NRG2: variants seen among roughly 807,000 people sequenced by gnomAD.
The protein encoded by NRG2 is neuregulin 2, also known as pro-neuregulin-2, membrane-bound isoform.
In NRG2, 27 loss-of-function variants were observed where a neutral mutation model predicts 73.9. The observed-to-expected ratio is 0.37, with a 90% confidence interval of 0.27 to 0.50. The LOEUF (loss-of-function observed/expected upper bound fraction) is 0.50, where lower values mean the gene tolerates loss of function less well. Among genes scored for constraint, NRG2 ranks in the 20% least tolerant of loss-of-function variants. The pLI, the probability that NRG2 is intolerant of heterozygous loss-of-function variation, is 0.96. For missense variants in NRG2, 1,126 were observed against 1,210.1 expected, an observed-to-expected ratio of 0.93 and a Z score of 1.03; for synonymous variants, 532 against 541.0, an observed-to-expected ratio of 0.98 and a Z score of 0.23.
chr5:139,907,670 G>A (rs1414496929), intron 1 of NRG2, among the ~76,000 whole-genome samples: 1 of 152,216 alleles, frequency 6.6e-6, no homozygotes. Flanking sequence ...GAAATTCAAA[G>A]GGGGCACGAG....
In NRG2 at chr5:139,848,515, G is replaced by T; in HGVS notation, c.1955C>A (p.Ala652Glu). Residue 652 changes from alanine (A) to glutamate (E), a missense_variant, in exon 10 of 10, where the codon GCG becomes GAG. By Grantham distance (107) the Ala-to-Glu change is moderately radical. Around this residue, in one of 3 missense-constraint regions of NRG2, gnomAD observed 402 missense variants for 357.8 expected, o/e 1.12. Transcript: ENST00000361474. ...GGGTCCGGGTCCCGGGCCGGGGGGC[G>T]CCGGGTGCCGCAGTAACGGCTGCTG... is the stretch of plus-strand genomic sequence containing the variant. ...AEQQPLLRHP[A>E]PPGPGPGPGP... is the part of the protein sequence containing the mutation. The T allele has an allele frequency of 7.2e-7, 1 of 1,388,552 alleles. No homozygotes were observed. Among genetic ancestry groups the T allele is most frequent in the Non-Finnish European group, 9.2e-7 (1 of 1,083,282 alleles). The allele number at this position is 1,388,552 out of a possible 1,614,324, so 86.0% of individuals were successfully genotyped here. A position where few individuals can be genotyped will look rare whatever the true frequency, so the allele number is the denominator to read the frequency against.
At chr5:140,016,192 G>A (rs1451408402) in intron 1 of NRG2, among the ~76,000 whole-genome samples, 1 of 152,292 alleles carries the variant, frequency 6.6e-6, no homozygotes, top group Admixed American at 6.5e-5. Context: ...GAGGCAGAAG[G>A]GGTGGTGGTG....
At chr5:139,895,522 G>A (rs1363182604) in intron 1 of NRG2, among the ~76,000 whole-genome samples, 21 of 152,210 alleles carry the variant, frequency 1.4e-4, no homozygotes, top group Non-Finnish European at 2.9e-4. Flanking sequence ...TGGCACGGAT[G>A]AGGCACAGAG....
At position 139,852,634 on chromosome 5, in the gene NRG2, T is replaced by C; in HGVS notation, c.1417-75A>G. On this transcript the variant is annotated intron_variant, in intron 7 of 9. Coordinates refer to ENST00000361474, the MANE Select transcript of NRG2 (RefSeq NM_004883.3). The surrounding 1 kb of genome is among the most constrained non-coding windows in gnomAD (Gnocchi z 4.4). ...CTCTTTCTTGTTGGGGACAGGGAAG[T>C]GATGAGCACTGACTGAGCTCCTGGT... 8 of 1,568,456 alleles carry C rather than the reference T, an allele frequency of 5.1e-6. No individual in the cohort carries two copies. Among genetic ancestry groups the C allele is most frequent in the Non-Finnish European group, 6.1e-6 (7 of 1,154,274 alleles).
intron 1 of NRG2, among the ~76,000 whole-genome samples, chr5:139,899,183 C>T (rs1764727667): frequency 6.6e-6 from 1 of 152,216 alleles, no homozygotes; most frequent in Non-Finnish European, 1.5e-5. Context: ...AACTGACAGG[C>T]CCTCTACAGG....
chr5:139,988,240 A>T (rs183243210), intron 1 of NRG2, among the ~76,000 whole-genome samples: 1 of 152,042 alleles, frequency 6.6e-6, no homozygotes, highest in Non-Finnish European at 1.5e-5. Context: ...AGATAGTTTG[A>T]CAGTTTCTTA....
intron 2 of NRG2, among the ~76,000 whole-genome samples, chr5:139,885,710 G>A (rs570898388): frequency 6.6e-6 from 1 of 151,842 alleles, no homozygotes; most frequent in Admixed American, 6.6e-5. Context: ...CTCTGTGGGT[G>A]TGTGTGTGTG....
At position 139,867,809 on chromosome 5, in the gene NRG2, T is replaced by TATGA. The variant is rs1383171269; in HGVS notation, c.1113-2185_1113-2184insTCAT. Among the ~76,000 whole-genome samples the TATGA allele has an allele frequency of 1.2e-3, 164 of 136,442 alleles. 1 individual carries two copies. Among genetic ancestry groups the TATGA allele is most frequent in the African/African-American group, 4.0e-3 (156 of 38,794 alleles). The allele number at this position is 136,442 out of a possible 152,430, so 89.5% of individuals were successfully genotyped here. A position where few individuals can be genotyped will look rare whatever the true frequency, so the allele number is the denominator to read the frequency against. ...GTGTGTGTGTGTGTATGAGTGTGTG[T>TATGA]GTGTGTGTGTGTGTGTGTGTGTGTG... On this transcript the variant is annotated intron_variant, in intron 4 of 9. Transcript: ENST00000361474.
intron 1 of NRG2, among the ~76,000 whole-genome samples, chr5:139,995,939 C>T (rs764833891): frequency 1.1e-4 from 16 of 151,960 alleles, no homozygotes; most frequent in East Asian, 1.9e-4. Flanking sequence ...TGGCTTGAGC[C>T]GAGAAATTTG....
chr5:139,946,666 A>C (rs1049518227), intron 1 of NRG2, among the ~76,000 whole-genome samples: 1 of 152,150 alleles, frequency 6.6e-6, no homozygotes, highest in African/African-American at 2.4e-5. Flanking sequence ...GGACATCATT[A>C]AGAAAGTGAA....
intron 1 of NRG2, among the ~76,000 whole-genome samples, chr5:139,953,985 G>A (rs1285808436): frequency 2.0e-5 from 3 of 152,032 alleles, no homozygotes; most frequent in Admixed American, 6.5e-5. Context: ...CTGGAAACCC[G>A]AAGAGAACCT....
rs1431039648 is a variant in NRG2, at chr5:139,853,402, T to C, written c.1293-375A>G. On this transcript the variant is annotated intron_variant, in intron 6 of 9. Transcript: ENST00000361474. This position sits in a 1 kb window ranked among gnomAD's most constrained non-coding sequence, Gnocchi z 4.1. ...ACATTCAAGCACAGTGCTGACTCCC[T>C]CTCTCTCTCCCTCATTCATTAATTT... is the stretch of plus-strand genomic sequence containing the variant. Among the ~76,000 whole-genome samples the C allele has an allele frequency of 6.6e-6, 1 of 151,988 alleles. No individual in the cohort carries two copies.
At chr5:139,881,397 C>T (rs1763518282) in intron 2 of NRG2, among the ~76,000 whole-genome samples, 1 of 152,176 alleles carries the variant, frequency 6.6e-6, no homozygotes, top group African/African-American at 2.4e-5. Flanking sequence ...TTCCCAGATA[C>T]CCGGGAGGGC....
At chr5:139,960,696 T>C (rs923495380) in intron 1 of NRG2, among the ~76,000 whole-genome samples, 3 of 152,230 alleles carry the variant, frequency 2.0e-5, no homozygotes, top group African/African-American at 7.2e-5. Flanking sequence ...ATGTAAGTTG[T>C]AGCAATTATT....
Position 139,870,777 on chromosome 5 carries a change from C to A in NRG2, c.1112+944G>T, listed in dbSNP as rs1332912134. 6.6e-6 allele frequency among the ~76,000 whole-genome samples: 1 copy of A among 152,186 alleles called. No individual in the cohort carries two copies. The highest frequency in any genetic ancestry group is 1.5e-5 in the Non-Finnish European group (1 of 68,014). Reference sequence around the variant, plus strand: ...ATGCTGCCCTCACCAAGCTCCCCTCCCCTCCTCACACACTCACCAGAGAAT... The same window carrying A: ...ATGCTGCCCTCACCAAGCTCCCCTCACCTCCTCACACACTCACCAGAGAAT... On this transcript the variant is annotated intron_variant, in intron 4 of 9. Coordinates refer to ENST00000361474, the MANE Select transcript of NRG2 (RefSeq NM_004883.3). This position sits in a 1 kb window ranked among gnomAD's most constrained non-coding sequence, Gnocchi z 4.4.
At chr5:139,932,509 G>A (rs1364730809) in intron 1 of NRG2, among the ~76,000 whole-genome samples, 2 of 151,788 alleles carry the variant, frequency 1.3e-5, no homozygotes, top group African/African-American at 4.8e-5. Flanking sequence ...GGAGGTCAAA[G>A]GATAAAAATA....
Position 139,973,652 on chromosome 5 carries a change from G to A in NRG2, c.700+68718C>T, listed in dbSNP as rs571587260. On this transcript the variant is annotated intron_variant, in intron 1 of 9. Transcript: ENST00000361474. ...GCTAGGATTACAGGTGTGAGCCACC[G>A]CGTCTTGCTAATGTTCCTCATATAC... Among the ~76,000 whole-genome samples the A allele has an allele frequency of 1.2e-4, 18 of 152,296 alleles. 2 individuals are homozygous for A. The highest frequency in any genetic ancestry group is 5.9e-4 in the Admixed American group (9 of 15,310).
At chr5:139,948,101 C>T (rs1486782443) in intron 1 of NRG2, among the ~76,000 whole-genome samples, 1 of 152,184 alleles carries the variant, frequency 6.6e-6, no homozygotes, top group Non-Finnish European at 1.5e-5. Flanking sequence ...CTGGCAGCCA[C>T]CATTCTACTT....
chr5:139,927,662 G>A (rs1363252776), intron 1 of NRG2, among the ~76,000 whole-genome samples: 7 of 151,818 alleles, frequency 4.6e-5, no homozygotes, highest in Admixed American at 3.9e-4. Context: ...TACTCAGGAG[G>A]CTGAGGCAGG....
Sources: allele counts gnomAD v4.1 joint callset (sites outside exome capture counted in the v4.1 genomes callset), GRCh38; gene constraint gnomAD v4.1.1; regional missense constraint gnomAD v4.1.1; non-coding constraint Gnocchi (gnomAD v3.1); transcripts MANE v1.5; gene names NCBI Gene and HGNC (gene_info 2026-07-23, HGNC 2026-07-21).